LPGAT1: variants seen among roughly 807,000 people sequenced by gnomAD.
LPGAT1 encodes acyl-CoA:lysophosphatidylglycerol acyltransferase 1.
A neutral mutation model predicts 47.5 loss-of-function variants in LPGAT1; 11 were observed. The observed-to-expected ratio is 0.23, with a 90% CI of 0.15 to 0.38. The LOEUF (loss-of-function observed/expected upper bound fraction) is 0.38, where lower values mean the gene tolerates loss of function less well. Ranked by LOEUF, LPGAT1 falls within the 10% of genes least tolerant of loss-of-function variation. The pLI is 1.00. For synonymous variants in LPGAT1, 138 were observed against 144.2 expected (o/e 0.96, Z 0.31); for missense variants, 293 against 439.0 (o/e 0.67, Z 2.97).
intron 2 of LPGAT1, among the ~76,000 whole-genome samples, chr1:211,825,995 T>C (rs917421799): frequency 6.6e-6 from 1 of 152,100 alleles, no homozygotes. Flanking sequence ...CAACAATCAT[T>C]ACTACTTTAG....
At chr1:211,803,383 G>A (rs2102573793) in intron 2 of LPGAT1, among the ~76,000 whole-genome samples, 1 of 152,318 alleles carries the variant, frequency 6.6e-6, no homozygotes, top group Non-Finnish European at 1.5e-5. Context: ...AAGATAATCA[G>A]GATGTCGGCT....
intron 3 of LPGAT1, among the ~76,000 whole-genome samples, chr1:211,788,088 T>C (rs907725916): frequency 9.9e-5 from 15 of 152,206 alleles, no homozygotes; most frequent in African/African-American, 3.4e-4. Flanking sequence ...AATAAAATGG[T>C]TAAGTTATCA....
At chr1:211,772,954 T>C (rs1222992093) in intron 6 of LPGAT1, among the ~76,000 whole-genome samples, 1 of 152,180 alleles carries the variant, frequency 6.6e-6, no homozygotes, top group Admixed American at 6.5e-5. Flanking sequence ...TGAAATATTA[T>C]TCTCTGTTTT....
chr1:211,792,711 CT>C (rs34552405), intron 3 of LPGAT1, among the ~76,000 whole-genome samples: 10 of 104,586 alleles, frequency 9.6e-5, no homozygotes, highest in South Asian at 3.1e-4. Context: ...AATTGATTCC[CT>C]TTTTTTTTTT....
chr1:211,781,802 T>G (rs1458170314), intron 5 of LPGAT1, among the ~76,000 whole-genome samples: 3 of 152,204 alleles, frequency 2.0e-5, no homozygotes, highest in African/African-American at 7.2e-5. Flanking sequence ...AGTAGTATCT[T>G]AGATAGCTTG....
At chr1:211,785,103 G>C (rs555513739) in intron 4 of LPGAT1, among the ~76,000 whole-genome samples, 46 of 151,942 alleles carry the variant, frequency 3.0e-4, no homozygotes, top group African/African-American at 1.1e-3. Context: ...GCGCCCAGCC[G>C]GTTCTTTCTT....
At chr1:211,807,610 T>C (rs1256822965) in intron 2 of LPGAT1, among the ~76,000 whole-genome samples, 1 of 152,144 alleles carries the variant, frequency 6.6e-6, no homozygotes. Flanking sequence ...TACGTAAGTA[T>C]GGTCAAATGA....
In LPGAT1 at chr1:211,797,311, C is replaced by CTTT. The variant is rs200601647; in HGVS notation, c.239-4124_239-4122dup. Among the ~76,000 whole-genome samples the CTTT allele has an allele frequency of 3.5e-3, 428 of 122,618 alleles. 4 individuals carry two copies. The highest frequency in any genetic ancestry group is 5.6e-3 in the Non-Finnish European group (339 of 60,200). The allele number at this position is 122,618 out of a possible 152,430, so 80.4% of individuals were successfully genotyped here. On this transcript the variant is annotated intron_variant, in intron 2 of 7. Transcript: ENST00000366997. ...CCTAGATCAACTTTTCTTTCCTTTT[C>CTTT]TTTTTTTTTTTTTTTTTTTGAGTCA... is the stretch of plus-strand genomic sequence containing the variant.
chr1:211,755,040 C>CAA lies in LPGAT1; in HGVS notation c.855-3975_855-3974dup, dbSNP rs11390656. ...AAGCGACAGAGCAAGACTCCGTCTC[C>CAA]AAAAAAAAAAAAAAAAGCCAGGCGA... On this transcript the variant is annotated intron_variant, in intron 6 of 7. Transcript: ENST00000366997. 3.4e-3 allele frequency among the ~76,000 whole-genome samples: 257 copies of CAA among 74,522 alleles called. 5 individuals are homozygous for CAA. Among genetic ancestry groups the CAA allele is most frequent in the East Asian group, 5.3e-3 (18 of 3,388 alleles). The allele number at this position is 74,522 out of a possible 152,430, so 48.9% of individuals were successfully genotyped here. A position where few individuals can be genotyped will look rare whatever the true frequency, so the allele number is the denominator to read the frequency against.
intron 2 of LPGAT1, among the ~76,000 whole-genome samples, chr1:211,798,585 A>G (rs1342905944): frequency 6.6e-6 from 1 of 152,154 alleles, no homozygotes; most frequent in Non-Finnish European, 1.5e-5. Context: ...TCTAGGGGCT[A>G]AGGCAGAGGA....
chr1:211,821,701 A>C (rs1239764662), intron 2 of LPGAT1, among the ~76,000 whole-genome samples: 1 of 152,184 alleles, frequency 6.6e-6, no homozygotes, highest in Non-Finnish European at 1.5e-5. Flanking sequence ...GAGGAAGAAG[A>C]GAAAGGGGAA....
chr1:211,777,936 A>G (rs574814291), intron 6 of LPGAT1, among the ~76,000 whole-genome samples: 2 of 152,362 alleles, frequency 1.3e-5, no homozygotes, highest in South Asian at 4.1e-4. Flanking sequence ...ACCAAAAGCA[A>G]GATGGCCACA....
At chr1:211,815,783 T>C (rs1471308930) in intron 2 of LPGAT1, among the ~76,000 whole-genome samples, 6 of 140,774 alleles carry the variant, frequency 4.3e-5, no homozygotes, top group East Asian at 4.0e-4. Flanking sequence ...CTTTTTTTTT[T>C]TTTTTTTTTT....
At chr1:211,815,237 C>T (rs986534840) in intron 2 of LPGAT1, among the ~76,000 whole-genome samples, 5 of 152,300 alleles carry the variant, frequency 3.3e-5, no homozygotes, top group African/African-American at 1.2e-4. Context: ...CTACCCTATG[C>T]TAAATTTTTA....
intron 2 of LPGAT1, among the ~76,000 whole-genome samples, chr1:211,813,169 G>A (rs901253321): frequency 6.6e-6 from 1 of 152,184 alleles, no homozygotes; most frequent in African/African-American, 2.4e-5. Context: ...ACTAAATGCT[G>A]AAGTAAGAAT....
At position 211,748,174 on chromosome 1, in the gene LPGAT1, G is replaced by A. The variant is rs1657020810; in HGVS notation, c.*1725C>T. ...ATTGTTGTGTGATTAGTGACAACGG[G>A]GGAATCTACAATGCTCACATCACAG... On this transcript the variant is annotated 3_prime_UTR_variant, in exon 8 of 8. Transcript: ENST00000366997. The A allele has an allele frequency of 6.6e-6, 1 of 152,378 alleles. No individual in the cohort carries two copies. Among genetic ancestry groups the A allele is most frequent in the Non-Finnish European group, 1.5e-5 (1 of 67,992 alleles). 9.4% of individuals were successfully genotyped at this position (152,378 alleles called of 1,614,324 possible).
chr1:211,753,865 C>T (rs1470785387), intron 6 of LPGAT1, among the ~76,000 whole-genome samples: 1 of 152,182 alleles, frequency 6.6e-6, no homozygotes, highest in Admixed American at 6.5e-5. Flanking sequence ...TCTCAGCTTA[C>T]AAGTGGAGTC....
chr1:211,753,246 T>C (rs1486068266), intron 6 of LPGAT1, among the ~76,000 whole-genome samples: 1 of 152,228 alleles, frequency 6.6e-6, no homozygotes, highest in Non-Finnish European at 1.5e-5. Context: ...AGGACATCCT[T>C]TAGCAGTTTC....
At chr1:211,799,095 GTTTAAT>G (rs1227012355) in intron 2 of LPGAT1, among the ~76,000 whole-genome samples, 4 of 152,054 alleles carry the variant, frequency 2.6e-5, no homozygotes, top group Non-Finnish European at 4.4e-5. Context: ...GTGCTGATAA[GTTTAAT>G]TTTATTTTTT....
Sources: gnomAD v4.1 joint callset for allele counts (sites outside exome capture counted in the v4.1 genomes callset) on GRCh38, gnomAD v4.1.1 for gene constraint, MANE v1.5 for transcripts, NCBI Gene and HGNC (gene_info 2026-07-23, HGNC 2026-07-21) for gene names.